Variants in CNTN1 observed in about 807,000 individuals in gnomAD.
The protein encoded by CNTN1 is contactin 1, also known as contactin-1.
A neutral mutation model predicts 126.4 loss-of-function variants in CNTN1; 38 were observed. The observed-to-expected ratio is 0.30, with a 90% CI of 0.23 to 0.39. The LOEUF (loss-of-function observed/expected upper bound fraction) is 0.39. Ranked by LOEUF, CNTN1 falls within the 10% of genes least tolerant of loss-of-function variation. The pLI is 1.00. For synonymous variants in CNTN1, 413 were observed against 422.6 expected (o/e 0.98, Z 0.28); for missense variants, 1,009 against 1,248.4 (o/e 0.81, Z 2.89).
At chr12:41,054,162 A>G in intron 23 of CNTN1, among the ~76,000 whole-genome samples, 1 of 151,852 alleles carries the variant, frequency 6.6e-6, no homozygotes, top group Non-Finnish European at 1.5e-5. Context: ...TAAAGTCTCT[A>G]TACTATCCTT....
chr12:40,783,486 A>G (rs773008705), intron 1 of CNTN1, among the ~76,000 whole-genome samples: 9 of 152,090 alleles, frequency 5.9e-5, no homozygotes, highest in African/African-American at 1.9e-4. Context: ...AATAAAGTAG[A>G]TTAAAGGCTG....
At chr12:41,023,874 T>C (rs902286190) in intron 20 of CNTN1, among the ~76,000 whole-genome samples, 3 of 152,176 alleles carry the variant, frequency 2.0e-5, no homozygotes, top group Non-Finnish European at 4.4e-5. Flanking sequence ...TTGTTAATTG[T>C]TTGTTTTCAA....
intron 6 of CNTN1, among the ~76,000 whole-genome samples, chr12:40,926,541 A>G (rs1330483004): frequency 1.3e-5 from 2 of 152,032 alleles, no homozygotes; most frequent in East Asian, 3.9e-4. Context: ...TGCGATTTAC[A>G]TTGGTGGGCT....
intron 1 of CNTN1, among the ~76,000 whole-genome samples, chr12:40,875,859 A>G (rs1457631048): frequency 6.6e-6 from 1 of 151,974 alleles, no homozygotes; most frequent in African/African-American, 2.4e-5. Context: ...GTATGTTTGC[A>G]TTTCTCTGGA....
intron 1 of CNTN1, among the ~76,000 whole-genome samples, chr12:40,797,940 T>C (rs982966399): frequency 2.6e-5 from 4 of 151,980 alleles, no homozygotes; most frequent in Non-Finnish European, 4.4e-5. Flanking sequence ...AAGAGTTCAA[T>C]TGTGATTGCT....
At chr12:41,068,524 G>A (rs900576156) in intron 23 of CNTN1, among the ~76,000 whole-genome samples, 2 of 151,976 alleles carry the variant, frequency 1.3e-5, no homozygotes, top group Admixed American at 1.3e-4. Flanking sequence ...AGCTCCAAAA[G>A]CCCCAGGCAG....
intron 6 of CNTN1, among the ~76,000 whole-genome samples, chr12:40,927,896 T>C (rs2136900177): frequency 6.6e-6 from 1 of 152,180 alleles, no homozygotes; most frequent in East Asian, 1.9e-4. Context: ...CATCACTTCT[T>C]TCATTCCTTT....
intron 23 of CNTN1, among the ~76,000 whole-genome samples, chr12:41,054,378 T>C (rs1949756608): frequency 1.3e-5 from 2 of 151,986 alleles, no homozygotes. Context: ...CAATGCCTAA[T>C]ATCTTACCTA....
At chr12:40,982,869 A>T (rs1947855427) in intron 16 of CNTN1, among the ~76,000 whole-genome samples, 1 of 146,766 alleles carries the variant, frequency 6.8e-6, no homozygotes, top group Non-Finnish European at 1.5e-5. Context: ...TCATATTCTC[A>T]CTCATAGGTG....
At chr12:40,871,690 C>T (rs1041727654) in intron 1 of CNTN1, among the ~76,000 whole-genome samples, 4 of 152,076 alleles carry the variant, frequency 2.6e-5, no homozygotes, top group African/African-American at 7.2e-5. Context: ...TTGCATTTTA[C>T]ATTTCCAAAA....
chr12:40,720,010 T>C (rs938222421), intron 1 of CNTN1, among the ~76,000 whole-genome samples: 3 of 149,854 alleles, frequency 2.0e-5, no homozygotes, highest in Non-Finnish European at 3.0e-5. Context: ...TTAATTTTTT[T>C]TTTTTTTTTT....
chr12:40,823,279 C>T (rs144053909), intron 1 of CNTN1, among the ~76,000 whole-genome samples: 109 of 152,180 alleles, frequency 7.2e-4, no homozygotes, highest in African/African-American at 2.5e-3. Context: ...TGAGAAAAAA[C>T]ATTCTGTTAT....
chr12:41,052,724 A>G (rs1193298371), intron 23 of CNTN1, among the ~76,000 whole-genome samples: 1 of 152,114 alleles, frequency 6.6e-6, no homozygotes, highest in Non-Finnish European at 1.5e-5. Context: ...TAGCAAAAAA[A>G]GTTCTCTAGA....
At chr12:40,779,070 A>G (rs1382718991) in intron 1 of CNTN1, among the ~76,000 whole-genome samples, 1 of 151,846 alleles carries the variant, frequency 6.6e-6, no homozygotes, top group Non-Finnish European at 1.5e-5. Context: ...CTAGCTGTAT[A>G]ATTTTGGGAT....
intron 15 of CNTN1, among the ~76,000 whole-genome samples, chr12:40,966,254 T>C (rs557744094): frequency 1.3e-5 from 2 of 152,088 alleles, no homozygotes; most frequent in East Asian, 1.9e-4. Context: ...AGACTAGAGA[T>C]TCCATCTCAT....
intron 1 of CNTN1, among the ~76,000 whole-genome samples, chr12:40,786,374 C>T (rs916830501): frequency 6.6e-6 from 1 of 152,142 alleles, no homozygotes; most frequent in African/African-American, 2.4e-5. Flanking sequence ...TCTAATCTGG[C>T]AGTGTTTCTG....
chr12:40,844,975 G>A (rs1014806973), intron 1 of CNTN1, among the ~76,000 whole-genome samples: 1 of 152,142 alleles, frequency 6.6e-6, no homozygotes, highest in East Asian at 1.9e-4. Context: ...GAAAGAAAAA[G>A]CACTCTTCTG....
At chr12:40,895,888 GCTGGGA>G (rs1233105609) in intron 1 of CNTN1, 13 of 151,406 alleles carry the variant, frequency 8.6e-5, no homozygotes, top group African/African-American at 2.9e-4. Flanking sequence ...CTCCCGAGTA[GCTGGGA>G]CTACAGGCGG....
intron 23 of CNTN1, among the ~76,000 whole-genome samples, chr12:41,059,421 T>C (rs1949893193): frequency 6.6e-6 from 1 of 152,312 alleles, no homozygotes; most frequent in East Asian, 1.9e-4. Context: ...TAGAAACCTC[T>C]AGTCATTTTC....
Sources: gnomAD v4.1 joint callset for allele counts (sites outside exome capture counted in the v4.1 genomes callset) on GRCh38, gnomAD v4.1.1 for gene constraint, MANE v1.5 for transcripts, NCBI Gene and HGNC (gene_info 2026-07-23, HGNC 2026-07-21) for gene names.